The following ABCG2 variants were observed in gnomAD, a reference collection of about 807,000 sequenced individuals.
ABCG2 encodes ATP binding cassette subfamily G member 2 (JR blood group).
Under a neutral mutation model 73.5 loss-of-function variants are expected in ABCG2, and 80 were observed. The ratio of observed to expected loss-of-function variants is 1.09; its 90% CI spans 0.91 to 1.31. The LOEUF (loss-of-function observed/expected upper bound fraction) is 1.31, where lower values mean the gene tolerates loss of function less well. Among genes scored for constraint, ABCG2 ranks in the 50% most tolerant of loss-of-function variants. ABCG2 has a pLI of 0.00. For synonymous variants in ABCG2, 269 were observed against 282.4 expected, an observed-to-expected ratio of 0.95 and a Z score of 0.48; for missense variants, 796 against 786.2, an observed-to-expected ratio of 1.01 and a Z score of -0.15.
chr4:88,096,765 A>T (rs1369538220), intron 13 of ABCG2, among the ~76,000 whole-genome samples: 1 of 152,106 alleles, frequency 6.6e-6, no homozygotes, highest in Non-Finnish European at 1.5e-5. Flanking sequence ...AAAAAAAGAT[A>T]AGCAGAAACA....
Position 88,097,501 on chromosome 4 carries a change from C to T in ABCG2, c.1599G>A (p.Val533=). ...TCATGAGAAGTGTTGCTACAGAAACCACACTCTGACCTGCTGCTATGGCCA... is the reference window on the plus strand; with the variant it reads ...TCATGAGAAGTGTTGCTACAGAAACTACACTCTGACCTGCTGCTATGGCCA... ...MALAIAAGQS[V]VSVATLLMTI... is the part of the protein sequence containing the mutation. The change falls in exon 13 of 16, where the codon GTG becomes GTA. Residue 533 remains valine, a synonymous_variant. Transcript: ENST00000237612. The T allele has an allele frequency of 1.2e-6, 2 of 1,614,112 alleles. No homozygotes were observed. The highest frequency in any genetic ancestry group is 1.1e-5 in the South Asian group (1 of 91,074).
At chr4:88,135,109 A>G (rs1725153214) in intron 2 of ABCG2, among the ~76,000 whole-genome samples, 1 of 152,158 alleles carries the variant, frequency 6.6e-6, no homozygotes, top group Admixed American at 6.5e-5. Context: ...AATGTTTATT[A>G]ATACTATCTG....
chr4:88,223,904 T>C (rs1730100646), intron 1 of ABCG2: 1 of 151,888 alleles, frequency 6.6e-6, no homozygotes, highest in Non-Finnish European at 1.5e-5. Flanking sequence ...TGGCCATCCT[T>C]ATTGGGGTAA....
At position 88,115,279 on chromosome 4, in the gene ABCG2, TATATA is replaced by T. The variant is rs1560675260; in HGVS notation, c.842-226_842-222del. ...CTCTATATATATATATATATATATA[TATATA>T]ATTTATTTATTTATTTTGAGACAGG... is the stretch of plus-strand genomic sequence containing the variant. On this transcript the variant is annotated intron_variant, in intron 7 of 15. Coordinates refer to ENST00000237612, the MANE Select transcript of ABCG2 (RefSeq NM_004827.3). Among the ~76,000 whole-genome samples, 7 of 117,694 alleles carry T rather than the reference TATATA, an allele frequency of 5.9e-5. 2 individuals carry two copies. Among genetic ancestry groups the T allele is most frequent in the African/African-American group, 2.9e-5 (1 of 34,996 alleles). 77.2% of individuals were successfully genotyped at this position (117,694 alleles called of 152,430 possible).
upstream of ABCG2, among the ~76,000 whole-genome samples, chr4:88,160,026 T>A (rs1727215123): frequency 6.6e-6 from 1 of 152,094 alleles, no homozygotes; most frequent in African/African-American, 2.4e-5. Context: ...GCAGATCACT[T>A]GAGGCCAGGA....
At chr4:88,204,336 G>A (rs1035720418) in intron 1 of ABCG2, among the ~76,000 whole-genome samples, 1 of 152,168 alleles carries the variant, frequency 6.6e-6, no homozygotes, top group Non-Finnish European at 1.5e-5. Context: ...CAGGAGAGTC[G>A]CTTGAACCTG....
At chr4:88,189,218 T>C (rs1728586204) in intron 1 of ABCG2, among the ~76,000 whole-genome samples, 1 of 152,156 alleles carries the variant, frequency 6.6e-6, no homozygotes, top group Non-Finnish European at 1.5e-5. Context: ...CTTAGTTTCC[T>C]TTTTGGATTG....
intron 1 of ABCG2, among the ~76,000 whole-genome samples, chr4:88,212,345 ATC>A (rs1447004608): frequency 6.6e-6 from 1 of 152,070 alleles, no homozygotes; most frequent in Admixed American, 6.6e-5. Flanking sequence ...TTTCAGAAGC[ATC>A]TCCCGCCTGT....
chr4:88,213,613 T>C (rs1729685787), intron 1 of ABCG2, among the ~76,000 whole-genome samples: 1 of 152,068 alleles, frequency 6.6e-6, no homozygotes, highest in Non-Finnish European at 1.5e-5. Context: ...TATATGTATA[T>C]ATATGTGTGT....
intron 1 of ABCG2, among the ~76,000 whole-genome samples, chr4:88,197,095 G>C (rs972142691): frequency 2.6e-5 from 4 of 151,036 alleles, no homozygotes; most frequent in Admixed American, 6.6e-5. Context: ...TCATAGGACT[G>C]TAGAATATTA....
intron 1 of ABCG2, among the ~76,000 whole-genome samples, chr4:88,195,126 T>C (rs1266827526): frequency 4.6e-5 from 7 of 152,058 alleles, no homozygotes; most frequent in Non-Finnish European, 1.0e-4. Context: ...CCCAGTGCCT[T>C]AGGAGGCTAA....
At chr4:88,189,881 T>A (rs996829360) in intron 1 of ABCG2, among the ~76,000 whole-genome samples, 1 of 152,232 alleles carries the variant, frequency 6.6e-6, no homozygotes, top group Non-Finnish European at 1.5e-5. Flanking sequence ...TCATACATGG[T>A]CTTTATCATG....
intron 1 of ABCG2, among the ~76,000 whole-genome samples, chr4:88,202,786 G>A (rs1396928478): frequency 1.3e-5 from 2 of 152,096 alleles, no homozygotes; most frequent in Admixed American, 1.3e-4. Context: ...TGGAGCCCAG[G>A]AGTTGGAGGT....
chr4:88,176,713 T>C (rs1435926481), intron 1 of ABCG2, among the ~76,000 whole-genome samples: 1 of 148,630 alleles, frequency 6.7e-6, no homozygotes, highest in Non-Finnish European at 1.5e-5. Context: ...AGACTGGTCT[T>C]GAGCTCCTGG....
At chr4:88,223,352 A>AT (rs1272215771) in intron 1 of ABCG2, among the ~76,000 whole-genome samples, 1 of 152,138 alleles carries the variant, frequency 6.6e-6, no homozygotes, top group Admixed American at 6.5e-5. Context: ...AGTTCCCATA[A>AT]TCCCCACATG....
intron 1 of ABCG2, among the ~76,000 whole-genome samples, chr4:88,221,784 C>T (rs369294961): frequency 6.6e-6 from 1 of 152,080 alleles, no homozygotes; most frequent in East Asian, 1.9e-4. Flanking sequence ...AGCAGCAAAG[C>T]ATTCAAGAGG....
chr4:88,216,173 T>A (rs147306905), intron 1 of ABCG2, among the ~76,000 whole-genome samples: 1 of 152,174 alleles, frequency 6.6e-6, no homozygotes, highest in Admixed American at 6.5e-5. Context: ...GAGCGATATA[T>A]CTGGCTGTTT....
chr4:88,121,690 G>T lies in ABCG2; in HGVS notation c.634C>A (p.Pro212Thr). Residue 212 changes from proline (P) to threonine (T), a missense_variant, in exon 6 of 16, where the codon CCT (proline) becomes ACT (threonine). Transcript: ENST00000237612. Reference sequence around the variant, plus strand: ...GTGCTTGAGTCTAAGCCAGTTGTAGGCTCATCCAAGAACAAGATGGAAGGA... The same window carrying T: ...GTGCTTGAGTCTAAGCCAGTTGTAGTCTCATCCAAGAACAAGATGGAAGGA... ...TDPSILFLDE[P>T]TTGLDSSTAN... The T allele has an allele frequency of 6.2e-7, 1 of 1,614,080 alleles. No homozygotes were observed. The highest frequency in any genetic ancestry group is 8.5e-7 in the Non-Finnish European group (1 of 1,179,974).
At chr4:88,225,597 C>A (rs1034873306) in intron 1 of ABCG2, among the ~76,000 whole-genome samples, 2 of 152,168 alleles carry the variant, frequency 1.3e-5, no homozygotes, top group East Asian at 1.9e-4. Context: ...TAGACTGTAT[C>A]TTAGTTCTCA....
Sources: gnomAD v4.1 joint callset for allele counts (sites outside exome capture counted in the v4.1 genomes callset) on GRCh38, gnomAD v4.1.1 for gene constraint, MANE v1.5 for transcripts, NCBI Gene and HGNC (gene_info 2026-07-23, HGNC 2026-07-21) for gene names.